The following PDLIM5 variants were observed in gnomAD, a reference collection of about 807,000 sequenced individuals.
The protein encoded by PDLIM5 is PDZ and LIM domain 5, also known as PDZ and LIM domain protein 5.
A neutral mutation model predicts 64.2 loss-of-function variants in PDLIM5; 34 were observed. The ratio of observed to expected loss-of-function variants is 0.53; its 90% confidence interval spans 0.40 to 0.71. PDLIM5 has a LOEUF of 0.71. Among genes scored for constraint, PDLIM5 ranks in the 30% least tolerant of loss-of-function variants. The pLI, the probability that PDLIM5 is intolerant of heterozygous loss-of-function variation, is 0.00. For synonymous variants in PDLIM5, 253 were observed against 269.1 expected, an observed-to-expected ratio of 0.94 and a Z score of 0.59; for missense variants, 683 against 733.6, an observed-to-expected ratio of 0.93 and a Z score of 0.80.
At chr4:94,510,422 T>C (rs1048642086) in intron 2 of PDLIM5, among the ~76,000 whole-genome samples, 3 of 152,228 alleles carry the variant, frequency 2.0e-5, no homozygotes, top group Admixed American at 1.3e-4. Flanking sequence ...TTCATGTGTT[T>C]GGAATGGTTC....
At chr4:94,638,230 T>C (rs778642931) in intron 8 of PDLIM5, among the ~76,000 whole-genome samples, 2 of 152,002 alleles carry the variant, frequency 1.3e-5, no homozygotes, top group Admixed American at 6.6e-5. Context: ...GAGGTAAGAG[T>C]TGGGCTGTGT....
At chr4:94,531,967 A>G (rs898964123) in intron 3 of PDLIM5, among the ~76,000 whole-genome samples, 7 of 152,220 alleles carry the variant, frequency 4.6e-5, no homozygotes, top group Admixed American at 3.9e-4. Context: ...TTAATGGGCC[A>G]CTAGATAGAA....
intron 5 of PDLIM5, among the ~76,000 whole-genome samples, chr4:94,576,976 A>G (rs952501402): frequency 2.6e-5 from 4 of 152,178 alleles, no homozygotes; most frequent in African/African-American, 7.2e-5. Context: ...GGTTATGTAC[A>G]GTATCTTTTT....
chr4:94,455,962 T>C lies in PDLIM5; in HGVS notation c.96+578T>C. On this transcript the variant is annotated intron_variant, in intron 2 of 12. Transcript: ENST00000317968. ...CTTTTTACCTCATTATGGATTTAGT[T>C]TGAATGTATTCTGTGTATATATTTT... 4 of 1,499,930 alleles carry C rather than the reference T, an allele frequency of 2.7e-6. No individual in the cohort carries two copies. In the South Asian group the frequency reaches 5.0e-5, roughly 19 times the overall value. 92.9% of individuals were successfully genotyped at this position (1,499,930 alleles called of 1,614,324 possible).
In PDLIM5 at chr4:94,618,168, G is replaced by T; in HGVS notation, c.1085G>T (p.Ser362Ile). ...TCCACTGGCGTCATCAAGTCACCAA[G>T]CTGGCAACGGCCAAACCAAGGAGGT... ...VGSTGVIKSP[S>I]WQRPNQGVPS... Residue 362 changes from serine to isoleucine, a missense_variant, in exon 8 of 13, where the codon AGC becomes ATC. Coordinates refer to ENST00000317968, the MANE Select transcript of PDLIM5 (RefSeq NM_006457.5). 9.4e-6 allele frequency: 15 copies of T among 1,601,782 alleles called. No individual in the cohort carries two copies. The highest frequency in any genetic ancestry group is 1.3e-5 in the Non-Finnish European group (15 of 1,174,750).
At chr4:94,457,274 TA>T (rs1182282160) in intron 2 of PDLIM5, 1 of 476,198 alleles carries the variant, frequency 2.1e-6, no homozygotes, top group Non-Finnish European at 2.7e-6. Flanking sequence ...TGATTTCAGT[TA>T]ATTAGATTTT....
intron 2 of PDLIM5, among the ~76,000 whole-genome samples, chr4:94,457,953 G>A (rs551249934): frequency 6.6e-6 from 1 of 152,174 alleles, no homozygotes; most frequent in African/African-American, 2.4e-5. Context: ...GTGCAGTGGG[G>A]CATGCAATTC....
intron 8 of PDLIM5, among the ~76,000 whole-genome samples, chr4:94,624,370 A>G (rs924044186): frequency 6.6e-6 from 1 of 152,130 alleles, no homozygotes; most frequent in African/African-American, 2.4e-5. Context: ...TGGAATGCAG[A>G]GGAAATATTA....
rs1370353557 is a variant in PDLIM5, at chr4:94,667,812, C to T, written c.*3745C>T. 1 of 152,066 alleles carries T rather than the reference C, an allele frequency of 6.6e-6. No individual in the cohort carries two copies. The allele number at this position is 152,066 out of a possible 1,614,324, so 9.4% of individuals were successfully genotyped here. A position where few individuals can be genotyped will look rare whatever the true frequency, so the allele number is the denominator to read the frequency against. On this transcript the variant is annotated 3_prime_UTR_variant, in exon 13 of 13. Coordinates refer to ENST00000317968, the MANE Select transcript of PDLIM5 (RefSeq NM_006457.5). ...AAAAATGTACCATTTTCAAGCAGTA[C>T]TACATTAGGAGCCCTTTTATAGAAA...
chr4:94,570,424 A>T (rs745699596), intron 3 of PDLIM5, among the ~76,000 whole-genome samples: 1 of 152,200 alleles, frequency 6.6e-6, no homozygotes, highest in African/African-American at 2.4e-5. Context: ...TGTGTGAGTG[A>T]GTGCATGTGT....
chr4:94,586,290 C>T (rs1736189565), intron 6 of PDLIM5, 118 bp from the exon 7 acceptor site: 3 of 616,762 alleles, frequency 4.9e-6, no homozygotes, highest in African/African-American at 1.9e-5. Context: ...CTATGGAATT[C>T]GTTTTAGTGG....
At chr4:94,455,449 T>C in intron 2 of PDLIM5, 65 bp downstream of exon 2, 1 of 1,015,560 alleles carries the variant, frequency 9.8e-7, no homozygotes. Flanking sequence ...GGCTGAGTTG[T>C]TTAATTCTCT....
At chr4:94,644,416 A>G (rs1430652663) in intron 9 of PDLIM5, among the ~76,000 whole-genome samples, 3 of 152,236 alleles carry the variant, frequency 2.0e-5, no homozygotes, top group Non-Finnish European at 1.5e-5. Flanking sequence ...AAGGAACTCA[A>G]AAGTATGATT....
intron 2 of PDLIM5, among the ~76,000 whole-genome samples, chr4:94,495,451 G>A (rs5002911): frequency 0.8 from 120,658 of 151,310 alleles, 48,247 homozygotes; most frequent in East Asian, 0.93. Context: ...TCTATCAGAT[G>A]TTGACCTTAA....
At chr4:94,496,207 G>A (rs1308571519) in intron 2 of PDLIM5, among the ~76,000 whole-genome samples, 1 of 152,182 alleles carries the variant, frequency 6.6e-6, no homozygotes, top group Non-Finnish European at 1.5e-5. Flanking sequence ...TCATTTGACT[G>A]TTAAGTAGAA....
At chr4:94,545,841 T>C (rs372947712) in intron 3 of PDLIM5, among the ~76,000 whole-genome samples, 2 of 152,236 alleles carry the variant, frequency 1.3e-5, no homozygotes, top group African/African-American at 4.8e-5. Flanking sequence ...TAATTTCTTA[T>C]GGCCTGATAT....
At chr4:94,461,524 G>GTT (rs10659138) in intron 2 of PDLIM5, among the ~76,000 whole-genome samples, 55,740 of 149,750 alleles carry the variant, frequency 0.37, 10,895 homozygotes, top group Non-Finnish European at 0.45. Context: ...TTATTAAGAG[G>GTT]TTTTTTTTTT....
rs756156761 is a variant in PDLIM5 at position 94,573,362 on chromosome 4, C to T, written c.260C>T (p.Ala87Val). Residue 87 changes from alanine (A) to valine (V), a missense_variant, in exon 4 of 13, where the codon GCA (alanine) becomes GTA (valine). Transcript: ENST00000317968. Reference protein sequence around the residue: ...LNMTLQRASAAPKPEPVPVQK... With the variant: ...LNMTLQRASAVPKPEPVPVQK... ...CTTTTTTTCCTCAGAGCATCTGCTG[C>T]ACCCAAGCCTGAGCCGGTTCCTGTT... 2 of 1,611,852 alleles carry T rather than the reference C, an allele frequency of 1.2e-6. No individual in the cohort carries two copies. Among genetic ancestry groups the T allele is most frequent in the African/African-American group, 1.3e-5 (1 of 74,772 alleles).
rs187474960 is a variant in PDLIM5, at chr4:94,462,308, A to G, written c.96+6924A>G. 9.2e-5 allele frequency among the ~76,000 whole-genome samples: 14 copies of G among 152,242 alleles called. No homozygotes were observed. In the East Asian group the frequency reaches 2.7e-3, roughly 29 times the overall value. ...AGTAGTATACTTCCAGAGATAATCT[A>G]TAGGTATATCTCCTCCCCACCCTCC... is the stretch of plus-strand genomic sequence containing the variant. On this transcript the variant is annotated intron_variant, in intron 2 of 12. Coordinates refer to ENST00000317968, the MANE Select transcript of PDLIM5 (RefSeq NM_006457.5).
Sources: gnomAD v4.1 joint callset for allele counts (sites outside exome capture counted in the v4.1 genomes callset) on GRCh38, gnomAD v4.1.1 for gene constraint, MANE v1.5 for transcripts, NCBI Gene and HGNC (gene_info 2026-07-23, HGNC 2026-07-21) for gene names.